Variants in CCDC88C observed in about 807,000 individuals in gnomAD.
The protein encoded by CCDC88C is coiled-coil and HOOK domain protein 88C, also known as protein Daple.
CCDC88C carries 131 observed loss-of-function variants against 198.8 expected under a neutral mutation model. That is an observed-to-expected ratio of 0.66 (90% confidence interval 0.57 to 0.76). CCDC88C has a LOEUF of 0.76. CCDC88C is among the 30% of genes least tolerant of loss of function. CCDC88C has a pLI of 0.00. For missense variants in CCDC88C, 2,553 were observed against 2,631.6 expected (o/e 0.97, Z 0.65); for synonymous variants, 1,166 against 1,114.7 (o/e 1.05, Z -0.92).
rs770306897 is a variant in CCDC88C at position 91,307,039 on chromosome 14, T to C, written c.3194A>G (p.Asn1065Ser). ...VKDRAIELER[N>S]NAALQAEKQL... is the part of the protein sequence containing the mutation. ...CCATGCCCAGGCCAGCCCACTCACA[T>C]TCCGCTCCAGCTCGATGGCCCGGTC... Residue 1065 changes from asparagine to serine, a missense_variant and splice_region_variant, in exon 18 of 30, where the codon AAT (asparagine) becomes AGT (serine). This residue lies in a region of CCDC88C where 1,260 missense variants were observed against 1,412.0 expected (regional missense o/e 0.89). Coordinates refer to ENST00000389857, the MANE Select transcript of CCDC88C (RefSeq NM_001080414.4). The C allele has an allele frequency of 4.3e-6, 7 of 1,609,246 alleles. No individual in the cohort carries two copies. The highest frequency in any genetic ancestry group is 5.9e-6 in the Non-Finnish European group (7 of 1,177,168).
rs1380684173 is a variant in CCDC88C, at chr14:91,339,109, G to C, written c.809+169C>G. On this transcript the variant is annotated intron_variant, in intron 8 of 29. Coordinates refer to ENST00000389857, the MANE Select transcript of CCDC88C (RefSeq NM_001080414.4). The surrounding 1 kb of genome is among the most constrained non-coding windows in gnomAD (Gnocchi z 5.8). ...CCCCATCCCTGTGCAGGCCTCAGAA[G>C]GGGAGGCAGCTAGTCCGAGGTCAAA... The C allele has an allele frequency of 1.3e-6, 1 of 767,912 alleles. No homozygotes were observed. Among genetic ancestry groups the C allele is most frequent in the South Asian group, 1.5e-5 (1 of 67,100 alleles). 47.6% of individuals were successfully genotyped at this position (767,912 alleles called of 1,614,324 possible). A position where few individuals can be genotyped will look rare whatever the true frequency, so the allele number is the denominator to read the frequency against.
Position 91,339,547 on chromosome 14 carries a change from G to T in CCDC88C, c.625-85C>A. 1 of 1,283,914 alleles carries T rather than the reference G, an allele frequency of 7.8e-7. No individual in the cohort carries two copies. The highest frequency in any genetic ancestry group is 1.1e-6 in the Non-Finnish European group (1 of 935,322). The allele number at this position is 1,283,914 out of a possible 1,614,324, so 79.5% of individuals were successfully genotyped here. Reference sequence around the variant, plus strand: ...TGAGCTTGAACAGGGTGAAGAAACCGCCAAAAGACAGATATTTCAGCGGAG... The same window carrying T: ...TGAGCTTGAACAGGGTGAAGAAACCTCCAAAAGACAGATATTTCAGCGGAG... On this transcript the variant is annotated intron_variant, in intron 7 of 29. Transcript: ENST00000389857. This position sits in a 1 kb window ranked among gnomAD's most constrained non-coding sequence, Gnocchi z 5.8.
chr14:91,322,083 C>CA (rs1892379083), intron 12 of CCDC88C, among the ~76,000 whole-genome samples: 1 of 152,016 alleles, frequency 6.6e-6, no homozygotes, highest in Non-Finnish European at 1.5e-5. Flanking sequence ...AAAAGGTATG[C>CA]AAAAGCCCTC....
chr14:91,317,714 C>T (rs1249024251), intron 13 of CCDC88C, among the ~76,000 whole-genome samples: 7 of 152,214 alleles, frequency 4.6e-5, no homozygotes, highest in Middle Eastern at 3.2e-3. Context: ...CCCTCCCTTC[C>T]GGCGCCCCCA....
intron 1 of CCDC88C, 192 bp from the exon 2 acceptor site, chr14:91,417,030 CA>C: frequency 2.9e-6 from 2 of 696,430 alleles, no homozygotes; most frequent in Middle Eastern, 2.3e-4. Flanking sequence ...CGCGGGGCAA[CA>C]GACACGAGAC....
intron 3 of CCDC88C, among the ~76,000 whole-genome samples, chr14:91,372,715 G>A (rs17127303): frequency 0.081 from 12,367 of 152,180 alleles, 741 homozygotes; most frequent in African/African-American, 0.16. Flanking sequence ...CTGTCTGCAC[G>A]TTATCTAAAC....
At chr14:91,331,409 A>AG (rs1489991835) in intron 10 of CCDC88C, among the ~76,000 whole-genome samples, 1 of 152,196 alleles carries the variant, frequency 6.6e-6, no homozygotes, top group African/African-American at 2.4e-5. Flanking sequence ...AGGAGGGCAG[A>AG]GGAGCTGGGG....
rs1891938853 is a variant in CCDC88C at position 91,313,519 on chromosome 14, GCGCTCA to G, written c.2291_2296del (p.Val764_Ser765del). The G allele has an allele frequency of 6.2e-7, 1 of 1,609,068 alleles. No homozygotes were observed. Among genetic ancestry groups the G allele is most frequent in the South Asian group, 1.1e-5 (1 of 91,088 alleles). ...GCTCTGCTGCAGCCGGAGGTTCTCA[GCGCTCA>G]CGCTCTGGTAGCTGAGCTCCAGGCG... On this transcript the variant is annotated inframe_deletion, in exon 15 of 30. Transcript: ENST00000389857. The surrounding 1 kb of genome is among the most constrained non-coding windows in gnomAD (Gnocchi z 5.2).
chr14:91,409,836 T>G (rs117072366), intron 2 of CCDC88C, among the ~76,000 whole-genome samples: 521 of 152,270 alleles, frequency 3.4e-3, no homozygotes, highest in Non-Finnish European at 5.9e-3. Context: ...TAATGTTCCA[T>G]TAAACACAGG....
Position 91,391,061 on chromosome 14 carries a change from C to A in CCDC88C, c.270+17598G>T, listed in dbSNP as rs535309719. 5.9e-5 allele frequency among the ~76,000 whole-genome samples: 9 copies of A among 152,258 alleles called. No individual in the cohort carries two copies. The South Asian group carries it at 1.9e-3, about 32-fold the overall frequency. On this transcript the variant is annotated intron_variant, in intron 3 of 29. Transcript: ENST00000389857. ...GATTCTTAGCAGCAGTCCTAACACC[C>A]ACTGCCTTCAACACCAAGCGCTTAA...
chr14:91,351,017 G>A (rs1252084759), intron 4 of CCDC88C, among the ~76,000 whole-genome samples: 2 of 152,144 alleles, frequency 1.3e-5, no homozygotes, highest in African/African-American at 4.8e-5. Flanking sequence ...TTCCAAAGCA[G>A]GGAGCTATGT....
intron 5 of CCDC88C, among the ~76,000 whole-genome samples, chr14:91,343,087 C>T (rs1034781798): frequency 6.6e-6 from 1 of 152,026 alleles, no homozygotes; most frequent in Non-Finnish European, 1.5e-5. Flanking sequence ...CCCGAGTAGC[C>T]GGGACTACAG....
intron 3 of CCDC88C, among the ~76,000 whole-genome samples, chr14:91,405,842 A>C (rs1567126511): frequency 6.6e-6 from 1 of 152,240 alleles, no homozygotes; most frequent in Non-Finnish European, 1.5e-5. Context: ...CCTGAACACA[A>C]GCGTCCTGTC....
At chr14:91,318,179 G>A (rs1264514550) in intron 13 of CCDC88C, among the ~76,000 whole-genome samples, 1 of 152,178 alleles carries the variant, frequency 6.6e-6, no homozygotes, top group Non-Finnish European at 1.5e-5. Flanking sequence ...TAGCACTTTG[G>A]GAGGCTGAGA....
intron 3 of CCDC88C, among the ~76,000 whole-genome samples, chr14:91,373,245 C>T (rs141147841): frequency 5.3e-5 from 8 of 152,258 alleles, no homozygotes; most frequent in South Asian, 2.1e-4. Context: ...AAAACACACA[C>T]GATACCAGTG....
chr14:91,386,933 A>C (rs2139967780), intron 3 of CCDC88C, among the ~76,000 whole-genome samples: 1 of 152,346 alleles, frequency 6.6e-6, no homozygotes, highest in African/African-American at 2.4e-5. Flanking sequence ...ATGAAATGCA[A>C]AAGTGGTGGT....
intron 3 of CCDC88C, among the ~76,000 whole-genome samples, chr14:91,386,300 A>C (rs1468348705): frequency 2.0e-5 from 3 of 150,388 alleles, no homozygotes; most frequent in East Asian, 1.9e-4. Flanking sequence ...AAAAAAAAAA[A>C]AAAACAAAAA....
At position 91,303,942 on chromosome 14, in the gene CCDC88C, G is replaced by A; in HGVS notation, c.3394C>T (p.Leu1132Phe). 1 of 1,609,262 alleles carries A rather than the reference G, an allele frequency of 6.2e-7. No homozygotes were observed. The highest frequency in any genetic ancestry group is 8.5e-7 in the Non-Finnish European group (1 of 1,179,242). Residue 1132 changes from leucine to phenylalanine, a missense_variant, in exon 20 of 30, where the codon CTC becomes TTC. This residue lies in a region of CCDC88C where 1,293 missense variants were observed against 1,219.6 expected (regional missense o/e 1.06). Coordinates refer to ENST00000389857, the MANE Select transcript of CCDC88C (RefSeq NM_001080414.4). ...TGCAGCAGCGTGTACTGCGCGGTGA[G>A]CGCTGCGCTCTGGGAACTCAGCGTG... ...NSTLSSQSAA[L>F]TAQYTLLQNH...
chr14:91,277,987 G>A lies in CCDC88C; in HGVS notation c.4993C>T (p.Pro1665Ser). 7 of 1,566,676 alleles carry A rather than the reference G, an allele frequency of 4.5e-6. No homozygotes were observed. Among genetic ancestry groups the A allele is most frequent in the Non-Finnish European group, 6.1e-6 (7 of 1,153,592 alleles). Residue 1665 changes from proline (P) to serine (S), a missense_variant, in exon 29 of 30, where the codon CCC (proline) becomes TCC (serine). This residue lies in a region of CCDC88C where 1,293 missense variants were observed against 1,219.6 expected (regional missense o/e 1.06). Coordinates refer to ENST00000389857, the MANE Select transcript of CCDC88C (RefSeq NM_001080414.4). ...TCCAAGGTGACCATCTCACTGCTGG[G>A]GGAGGCCGAGCAGGGCCGCACTCCG... Reference protein sequence around the residue: ...YVGVRPCSASPSSEMVTLEEF... With the variant: ...YVGVRPCSASSSSEMVTLEEF...
Sources: allele counts gnomAD v4.1 joint callset (sites outside exome capture counted in the v4.1 genomes callset), GRCh38; gene constraint gnomAD v4.1.1; regional missense constraint gnomAD v4.1.1; non-coding constraint Gnocchi (gnomAD v3.1); transcripts MANE v1.5; gene names NCBI Gene and HGNC (gene_info 2026-07-23, HGNC 2026-07-21).